JPH2: variants seen among roughly 807,000 people sequenced by gnomAD.
JPH2 encodes junctophilin 2, also known as junctophilin-2.
Under a neutral mutation model 55.9 loss-of-function variants are expected in JPH2, and 38 were observed. The ratio of observed to expected loss-of-function variants is 0.68; its 90% confidence interval spans 0.52 to 0.89. The LOEUF is 0.89. JPH2 is among the 40% of genes least tolerant of loss of function. The pLI, the probability that JPH2 is intolerant of heterozygous loss-of-function variation, is 0.00. For missense variants in JPH2, 964 were observed against 1,037.6 expected (o/e 0.93, Z 0.97); for synonymous variants, 480 against 472.4 (o/e 1.02, Z -0.21).
At chr20:44,182,525 A>G (rs569741630) in intron 1 of JPH2, among the ~76,000 whole-genome samples, 62 of 152,324 alleles carry the variant, frequency 4.1e-4, no homozygotes, top group Non-Finnish European at 8.1e-4. Context: ...GATCCAGCCC[A>G]GGCCACGATG....
In JPH2 at chr20:44,109,592, G is replaced by A. The variant is rs1373450374; in HGVS notation, c.*3926C>T. The stretch of plus-strand genomic sequence containing the variant: ...ACAGGCTGAGAGAGTGAGGGAGTGG[G>A]AACTGGCCTCCATAGGCATAGTCAG... On this transcript the variant is annotated 3_prime_UTR_variant, in exon 6 of 6. Coordinates refer to ENST00000372980, the MANE Select transcript of JPH2 (RefSeq NM_020433.5). 6.6e-6 allele frequency among the ~76,000 whole-genome samples: 1 copy of A among 152,186 alleles called. No individual in the cohort carries two copies. The highest frequency in any genetic ancestry group is 1.5e-5 in the Non-Finnish European group (1 of 68,036).
intron 1 of JPH2, chr20:44,177,223 G>A (rs1483303230): frequency 1.7e-5 from 17 of 985,558 alleles, no homozygotes; most frequent in Non-Finnish European, 1.8e-5. Flanking sequence ...TCCAAGGCAG[G>A]AAGTCTATGG....
At chr20:44,149,207 G>A (rs995096926) in intron 2 of JPH2, among the ~76,000 whole-genome samples, 1 of 151,218 alleles carries the variant, frequency 6.6e-6, no homozygotes, top group African/African-American at 2.4e-5. Context: ...TCCCACCCCA[G>A]TGGCTCTGCC....
chr20:44,129,273 G>A (rs555468729), intron 2 of JPH2, among the ~76,000 whole-genome samples: 41 of 152,234 alleles, frequency 2.7e-4, no homozygotes, highest in South Asian at 1.0e-3. Context: ...GCTGCTTAGC[G>A]GCCGGGCGCG....
chr20:44,163,259 A>G (rs1380846085), intron 1 of JPH2, among the ~76,000 whole-genome samples: 1 of 152,106 alleles, frequency 6.6e-6, no homozygotes, highest in East Asian at 1.9e-4. Flanking sequence ...CAAAAATTCC[A>G]TCTCATTGGG....
At chr20:44,127,867 T>C (rs182438949) in intron 2 of JPH2, among the ~76,000 whole-genome samples, 305 of 152,318 alleles carry the variant, frequency 2.0e-3, no homozygotes, top group African/African-American at 7.1e-3. Context: ...ATTTCCCTGA[T>C]GGCTAATGGA....
At chr20:44,144,307 G>A (rs924053250) in intron 2 of JPH2, among the ~76,000 whole-genome samples, 6 of 152,046 alleles carry the variant, frequency 3.9e-5, no homozygotes, top group African/African-American at 1.5e-4. Flanking sequence ...TACTCATCTC[G>A]GGCTCCGGGT....
Position 44,171,570 on chromosome 20 carries a change from A to ACTCT in JPH2, c.380-11167_380-11164dup, listed in dbSNP as rs34917566. Reference sequence around the variant, plus strand: ...CAATCTCTCCAGCCTCGTCCACCCCACTCTCTCTCTCTGAGTCTGTGCTCC... The same window carrying ACTCT: ...CAATCTCTCCAGCCTCGTCCACCCCACTCTCTCTCTCTCTCTGAGTCTGTGCTCC... On this transcript the variant is annotated intron_variant, in intron 1 of 5. Transcript: ENST00000372980. Among the ~76,000 whole-genome samples, 722 of 150,910 alleles carry ACTCT rather than the reference A, an allele frequency of 4.8e-3. 3 individuals are homozygous for ACTCT. The highest frequency in any genetic ancestry group is 7.7e-3 in the Non-Finnish European group (521 of 67,668).
chr20:44,127,227 C>T (rs2072283235), intron 2 of JPH2, among the ~76,000 whole-genome samples: 1 of 152,186 alleles, frequency 6.6e-6, no homozygotes, highest in African/African-American at 2.4e-5. Context: ...CATTAGGGTG[C>T]TTTCCACTTT....
intron 2 of JPH2, among the ~76,000 whole-genome samples, chr20:44,122,220 A>C (rs1600832928): frequency 6.6e-6 from 1 of 152,218 alleles, no homozygotes; most frequent in East Asian, 1.9e-4. Flanking sequence ...CTGAATGAAT[A>C]CATGGCTGAA....
rs373247843 is a variant in JPH2 at position 44,177,552 on chromosome 20, T to C, written c.379+8775A>G. On this transcript the variant is annotated intron_variant, in intron 1 of 5. Coordinates refer to ENST00000372980, the MANE Select transcript of JPH2 (RefSeq NM_020433.5). ...CTGCTGTGCTCTCCTGGGGTCTCCA[T>C]AGAATGCCCAGAAGCTGCCAAGACA... The C allele has an allele frequency of 1.0e-5, 12 of 1,143,712 alleles. No individual in the cohort carries two copies. In the South Asian group the frequency reaches 1.4e-4, roughly 13 times the overall value. The allele number at this position is 1,143,712 out of a possible 1,614,324, so 70.8% of individuals were successfully genotyped here.
At chr20:44,162,783 TATATACACACAC>T (rs1463505969) in intron 1 of JPH2, among the ~76,000 whole-genome samples, 8 of 62,070 alleles carry the variant, frequency 1.3e-4, no homozygotes, top group African/African-American at 4.1e-4. Flanking sequence ...TATATATATA[TATATACACACAC>T]ACACACACAC....
intron 1 of JPH2, among the ~76,000 whole-genome samples, chr20:44,171,180 G>C (rs1197291043): frequency 6.6e-6 from 1 of 152,194 alleles, no homozygotes; most frequent in Non-Finnish European, 1.5e-5. Context: ...AGATTTAGCG[G>C]GGAGTGCTCT....
At chr20:44,146,883 C>A (rs1387070220) in intron 2 of JPH2, among the ~76,000 whole-genome samples, 1 of 152,102 alleles carries the variant, frequency 6.6e-6, no homozygotes, top group African/African-American at 2.4e-5. Flanking sequence ...AAATTGCAAC[C>A]CTTTTGGATG....
At position 44,173,119 on chromosome 20, in the gene JPH2, T is replaced by A. The variant is rs78070518; in HGVS notation, c.380-12712A>T. ...AGTTTAAGACAAAAATAATTAACAG[T>A]CCTTTCTTGAAACTAACCCCCTCTT... On this transcript the variant is annotated intron_variant, in intron 1 of 5. Coordinates refer to ENST00000372980, the MANE Select transcript of JPH2 (RefSeq NM_020433.5). Among the ~76,000 whole-genome samples the A allele has an allele frequency of 4.3e-3, 662 of 152,236 alleles. 41 individuals carry two copies. The East Asian group carries it at 0.11, about 24-fold the overall frequency.
chr20:44,121,311 C>A (rs983560684), intron 2 of JPH2, among the ~76,000 whole-genome samples: 54 of 152,154 alleles, frequency 3.5e-4, no homozygotes, highest in Non-Finnish European at 4.9e-4. Flanking sequence ...GTCAGAGTGT[C>A]CACTCTCTAC....
chr20:44,137,296 G>T (rs1248306051), intron 2 of JPH2, among the ~76,000 whole-genome samples: 1 of 139,132 alleles, frequency 7.2e-6, no homozygotes, highest in African/African-American at 2.6e-5. Flanking sequence ...CAAGGCCCCA[G>T]TCAGCAGACA....
At chr20:44,156,353 T>C (rs767220312) in intron 2 of JPH2, among the ~76,000 whole-genome samples, 3 of 152,224 alleles carry the variant, frequency 2.0e-5, no homozygotes, top group Non-Finnish European at 2.9e-5. Flanking sequence ...CTAAAATTAT[T>C]CCCACCTAAA....
In JPH2 at chr20:44,126,378, A is replaced by T. The variant is rs150934550; in HGVS notation, c.1170-7755T>A. 4.3e-3 allele frequency among the ~76,000 whole-genome samples: 657 copies of T among 152,278 alleles called. 4 individuals carry two copies. The highest frequency in any genetic ancestry group is 0.015 in the African/African-American group (616 of 41,564). ...GGCAGATAATCAGGGTCCCTGGCTC[A>T]GGCCACTGCCAGCCTCTCTGGAGGA... is the stretch of plus-strand genomic sequence containing the variant. On this transcript the variant is annotated intron_variant, in intron 2 of 5. Coordinates refer to ENST00000372980, the MANE Select transcript of JPH2 (RefSeq NM_020433.5).
Sources: allele counts gnomAD v4.1 joint callset (sites outside exome capture counted in the v4.1 genomes callset), GRCh38; gene constraint gnomAD v4.1.1; transcripts MANE v1.5; gene names NCBI Gene and HGNC (gene_info 2026-07-23, HGNC 2026-07-21).